AVL9: variants seen among roughly 807,000 people sequenced by gnomAD.
AVL9 encodes AVL9 cell migration associated.
Under a neutral mutation model 79.2 loss-of-function variants are expected in AVL9, and 49 were observed. The observed-to-expected ratio is 0.62, with a 90% CI of 0.49 to 0.79. The LOEUF is 0.79. Among genes scored for constraint, AVL9 ranks in the 30% least tolerant of loss-of-function variants. The pLI, the probability that AVL9 is intolerant of heterozygous loss-of-function variation, is 0.00. For missense variants in AVL9, 682 were observed against 776.8 expected (o/e 0.88, Z 1.45); for synonymous variants, 299 against 280.6 (o/e 1.07, Z -0.65).
At chr7:32,545,364 C>CTGTTTTTT (rs1789435585) in intron 3 of AVL9, among the ~76,000 whole-genome samples, 1 of 73,352 alleles carries the variant, frequency 1.4e-5, no homozygotes, top group East Asian at 4.3e-4. Context: ...TCTAAGATTT[C>CTGTTTTTT]TTTTTTTTTT....
At chr7:32,539,611 C>T (rs764515332) in intron 1 of AVL9, among the ~76,000 whole-genome samples, 6 of 152,168 alleles carry the variant, frequency 3.9e-5, no homozygotes, top group Non-Finnish European at 7.4e-5. Flanking sequence ...GACTGATATT[C>T]TACTTGCTTT....
chr7:32,566,524 T>C (rs1232229727), intron 10 of AVL9, among the ~76,000 whole-genome samples: 1 of 3,832 alleles, frequency 2.6e-4, no homozygotes, highest in Non-Finnish European at 4.1e-4. Context: ...AGAATAAAAA[T>C]AAAATAGTAT....
intron 11 of AVL9, among the ~76,000 whole-genome samples, chr7:32,571,818 C>T (rs1376878943): frequency 6.6e-6 from 1 of 152,012 alleles, no homozygotes; most frequent in African/African-American, 2.4e-5. Context: ...TCAAAACTAA[C>T]CTGTACGTTA....
At chr7:32,512,697 A>G (rs1222931486) in intron 1 of AVL9, among the ~76,000 whole-genome samples, 1 of 152,212 alleles carries the variant, frequency 6.6e-6, no homozygotes, top group African/African-American at 2.4e-5. Context: ...CTCTCTGCCC[A>G]TTGAAACTGT....
chr7:32,558,782 T>A, intron 9 of AVL9, 147 bp from the exon 10 acceptor site: 1 of 1,018,616 alleles, frequency 9.8e-7, no homozygotes, highest in Non-Finnish European at 1.4e-6. Flanking sequence ...CTCTTTTGTC[T>A]GGGCTTCTTT....
In AVL9 at chr7:32,554,548, C is replaced by G; in HGVS notation, c.571-10C>G. The G allele has an allele frequency of 6.9e-7, 1 of 1,453,192 alleles. No individual in the cohort carries two copies. The highest frequency in any genetic ancestry group is 1.3e-5 in the South Asian group (1 of 75,160). 90.0% of individuals were successfully genotyped at this position (1,453,192 alleles called of 1,614,324 possible). A position where few individuals can be genotyped will look rare whatever the true frequency, so the allele number is the denominator to read the frequency against. ...TCATTTCAATACAACATTTTTTTTT[C>G]CTTTTGCAGGTCTTAATCCTATTTA... is the stretch of plus-strand genomic sequence containing the variant. On this transcript the variant is annotated splice_polypyrimidine_tract_variant and intron_variant, in intron 7 of 15. Coordinates refer to ENST00000318709, the MANE Select transcript of AVL9 (RefSeq NM_015060.3).
chr7:32,540,934 T>C, intron 1 of AVL9, among the ~76,000 whole-genome samples: 1 of 118,296 alleles, frequency 8.5e-6, no homozygotes, highest in East Asian at 2.8e-4. Flanking sequence ...AGTCTCGCTC[T>C]GTCGCCCAGG....
In AVL9 at chr7:32,502,392, C is replaced by CAAAAAAAA. The variant is rs70992721; in HGVS notation, c.93+6600_93+6607dup. On this transcript the variant is annotated intron_variant, in intron 1 of 15. Transcript: ENST00000318709. ...TGGGTGAGAGAGTAAAACCCTTTCT[C>CAAAAAAAA]AAAAAAAAAAAAAAAAAGAAAGAAA... is the stretch of plus-strand genomic sequence containing the variant. Among the ~76,000 whole-genome samples, 440 of 114,264 alleles carry CAAAAAAAA rather than the reference C, an allele frequency of 3.9e-3. 8 individuals carry two copies. The highest frequency in any genetic ancestry group is 0.013 in the African/African-American group (407 of 30,288). 75.0% of individuals were successfully genotyped at this position (114,264 alleles called of 152,430 possible). A position where few individuals can be genotyped will look rare whatever the true frequency, so the allele number is the denominator to read the frequency against.
chr7:32,571,717 G>T (rs1054046903), intron 11 of AVL9, among the ~76,000 whole-genome samples: 5 of 151,280 alleles, frequency 3.3e-5, no homozygotes, highest in African/African-American at 1.2e-4. Context: ...ATACAGATGG[G>T]AGGACCATAA....
chr7:32,567,650 A>T (rs79615958), intron 10 of AVL9, among the ~76,000 whole-genome samples: 2 of 151,568 alleles, frequency 1.3e-5, no homozygotes, highest in African/African-American at 4.8e-5. Flanking sequence ...CCTTTTTACA[A>T]ATGGTAGCAG....
rs1211124651 is a variant in AVL9 at position 32,585,259 on chromosome 7, A to C, written c.*1352A>C. ...CAAGGTGATTGTAAGTATTAAATAGAAATCTCATCTTAGTTTATATTCAGC... is the reference window on the plus strand; with the variant it reads ...CAAGGTGATTGTAAGTATTAAATAGCAATCTCATCTTAGTTTATATTCAGC... On this transcript the variant is annotated 3_prime_UTR_variant, in exon 16 of 16. Coordinates refer to ENST00000318709, the MANE Select transcript of AVL9 (RefSeq NM_015060.3). 1 of 152,206 alleles carries C rather than the reference A, an allele frequency of 6.6e-6. No individual in the cohort carries two copies. The highest frequency in any genetic ancestry group is 1.5e-5 in the Non-Finnish European group (1 of 68,034). The allele number at this position is 152,206 out of a possible 1,614,324, so 9.4% of individuals were successfully genotyped here.
At chr7:32,573,450 G>C in intron 12 of AVL9, 32 bp downstream of exon 12, 1 of 1,554,946 alleles carries the variant, frequency 6.4e-7, no homozygotes. Context: ...ACAGCTACCT[G>C]TTTTATTATA....
At chr7:32,515,070 G>A (rs1787851618) in intron 1 of AVL9, among the ~76,000 whole-genome samples, 2 of 152,164 alleles carry the variant, frequency 1.3e-5, no homozygotes, top group Non-Finnish European at 2.9e-5. Flanking sequence ...CATAGACACA[G>A]TAACAATCTG....
In AVL9 at chr7:32,588,076, A is replaced by G. The variant is rs1036436352; in HGVS notation, c.*4169A>G. ...GTTTACCTTTTTACTTATATGAAAGATAACTATATATTTAAATCATGTAAG... is the reference window on the plus strand; with the variant it reads ...GTTTACCTTTTTACTTATATGAAAGGTAACTATATATTTAAATCATGTAAG... On this transcript the variant is annotated 3_prime_UTR_variant, in exon 16 of 16. Transcript: ENST00000318709. 1 of 152,222 alleles carries G rather than the reference A, an allele frequency of 6.6e-6. No individual in the cohort carries two copies. Among genetic ancestry groups the G allele is most frequent in the Non-Finnish European group, 1.5e-5 (1 of 68,034 alleles). The allele number at this position is 152,222 out of a possible 1,614,324, so 9.4% of individuals were successfully genotyped here.
At chr7:32,520,675 A>T (rs752374500) in intron 1 of AVL9, among the ~76,000 whole-genome samples, 5 of 152,170 alleles carry the variant, frequency 3.3e-5, no homozygotes, top group Admixed American at 6.5e-5. Context: ...TATGCCTATA[A>T]CCCAGGTCAT....
intron 8 of AVL9, among the ~76,000 whole-genome samples, chr7:32,557,865 T>TG (rs55758962): frequency 6.8e-6 from 1 of 148,120 alleles, no homozygotes; most frequent in East Asian, 2.0e-4. Flanking sequence ...TTTTTTTTTT[T>TG]TTTTTTTTGA....
intron 1 of AVL9, among the ~76,000 whole-genome samples, chr7:32,510,797 G>A (rs1403635365): frequency 1.7e-5 from 2 of 116,308 alleles, no homozygotes; most frequent in East Asian, 5.4e-4. Context: ...CCACAGTCCT[G>A]GCACTTCTGA....
chr7:32,498,930 G>C (rs79217721), intron 1 of AVL9, among the ~76,000 whole-genome samples: 1 of 80 alleles, frequency 0.013, no homozygotes, highest in Non-Finnish European at 0.028. Context: ...TTGGGAGGCC[G>C]AGGCGGGTGG....
chr7:32,509,759 G>A (rs1787574549), intron 1 of AVL9, among the ~76,000 whole-genome samples: 1 of 152,110 alleles, frequency 6.6e-6, no homozygotes, highest in Non-Finnish European at 1.5e-5. Flanking sequence ...GCTGAAGTGG[G>A]AGAATCACTT....
Sources: gnomAD v4.1 joint callset for allele counts (sites outside exome capture counted in the v4.1 genomes callset) on GRCh38, gnomAD v4.1.1 for gene constraint, MANE v1.5 for transcripts, NCBI Gene and HGNC (gene_info 2026-07-23, HGNC 2026-07-21) for gene names.